PRICKLE4: variants seen among roughly 807,000 people sequenced by gnomAD.
PRICKLE4 encodes prickle planar cell polarity protein 4, also known as prickle-like protein 4.
Under a neutral mutation model 43.5 loss-of-function variants are expected in PRICKLE4, and 40 were observed. The ratio of observed to expected loss-of-function variants is 0.92; its 90% confidence interval spans 0.71 to 1.20. The LOEUF (loss-of-function observed/expected upper bound fraction) is 1.20, where lower values mean the gene tolerates loss of function less well. PRICKLE4 is among the 50% of genes most tolerant of loss of function. The probability of loss-of-function intolerance (pLI) is 0.00; values close to 1 mark genes in which losing one functional copy is unlikely to be tolerated. For missense variants in PRICKLE4, 527 were observed against 491.2 expected (o/e 1.07, Z -0.69); for synonymous variants, 208 against 197.4 (o/e 1.05, Z -0.45).
Position 41,787,226 on chromosome 6 carries a change from C to T in PRICKLE4, c.*97C>T, listed in dbSNP as rs1317880992. On this transcript the variant is annotated 3_prime_UTR_variant, in exon 8 of 8. Coordinates refer to ENST00000458694, the MANE Select transcript of PRICKLE4 (RefSeq NM_013397.6). ...CCCCTAACAATCCTAGACTGAGACG[C>T]AGTCAGGCGCACGCCCGCAAGAGGC... is the stretch of plus-strand genomic sequence containing the variant. 2.8e-6 allele frequency: 4 copies of T among 1,450,026 alleles called. No individual in the cohort carries two copies. In the Admixed American group the frequency reaches 8.0e-5, roughly 29 times the overall value. 89.8% of individuals were successfully genotyped at this position (1,450,026 alleles called of 1,614,324 possible).
intron 3 of PRICKLE4, 148 bp from the exon 4 acceptor site, chr6:41,783,983 G>A: frequency 2.9e-6 from 2 of 678,706 alleles, no homozygotes; most frequent in Non-Finnish European, 2.6e-6. Context: ...TGCACTCAGT[G>A]AGGATCTGCA....
intron 2 of PRICKLE4, among the ~76,000 whole-genome samples, chr6:41,781,775 C>T (rs1219822131): frequency 6.6e-6 from 1 of 152,192 alleles, no homozygotes; most frequent in Non-Finnish European, 1.5e-5. Context: ...TTCCCTTAGC[C>T]TCTGGTATGA....
intron 5 of PRICKLE4, 24 bp from the exon 6 acceptor site, chr6:41,785,312 CA>C (rs1433211941): frequency 1.9e-6 from 3 of 1,607,814 alleles, no homozygotes; most frequent in Non-Finnish European, 2.6e-6. Flanking sequence ...TTACTCCGAC[CA>C]CCTCAGCACC....
In PRICKLE4 at chr6:41,785,529, G is replaced by C. The variant is rs1772628558; in HGVS notation, c.571G>C (p.Ala191Pro). ...HAELLRPRCP[A>P]CDQLIFSWRC... ...AGAGTTGCTGCGCCCGCGCTGCCCG[G>C]CTTGTGACCAGGTACAGCCTGGAGG... is the stretch of plus-strand genomic sequence containing the variant. The change falls in exon 6 of 8, where the codon GCT becomes CCT. Residue 191 changes from alanine (A) to proline (P), a missense_variant. By Grantham distance (27) the Ala-to-Pro change is conservative. Transcript: ENST00000458694. The C allele has an allele frequency of 3.7e-6, 6 of 1,612,648 alleles. No homozygotes were observed. The highest frequency in any genetic ancestry group is 1.3e-5 in the African/African-American group (1 of 74,944).
At position 41,784,306 on chromosome 6, in the gene PRICKLE4, A is replaced by G. The variant is rs559589587; in HGVS notation, c.240+68A>G. The G allele has an allele frequency of 2.8e-5, 36 of 1,284,542 alleles. No individual in the cohort carries two copies. The South Asian group carries it at 4.6e-4, about 17-fold the overall frequency. The allele number at this position is 1,284,542 out of a possible 1,614,324, so 79.6% of individuals were successfully genotyped here. On this transcript the variant is annotated intron_variant, in intron 4 of 7. Coordinates refer to ENST00000458694, the MANE Select transcript of PRICKLE4 (RefSeq NM_013397.6). The stretch of plus-strand genomic sequence containing the variant: ...CCTCATCTCTTTTCTTACTGTGGGA[A>G]GAACCTCAGTCCAGAAGTTAGGGGA...
chr6:41,785,192 G>A, intron 5 of PRICKLE4, 120 bp downstream of exon 5: 1 of 1,546,694 alleles, frequency 6.5e-7, no homozygotes, highest in Non-Finnish European at 8.8e-7. Context: ...CAGAAACCAA[G>A]TTTGCAAGCT....
intron 2 of PRICKLE4, among the ~76,000 whole-genome samples, chr6:41,782,175 G>T (rs558821788): frequency 6.7e-6 from 1 of 149,644 alleles, no homozygotes; most frequent in Non-Finnish European, 1.5e-5. Flanking sequence ...AGGTTGGAGC[G>T]ATTCTCCTGC....
chr6:41,786,569 T>TC, intron 7 of PRICKLE4, 193 bp from the exon 8 acceptor site: 2 of 1,093,828 alleles, frequency 1.8e-6, no homozygotes, highest in Middle Eastern at 2.5e-4. Flanking sequence ...GGCGCCAGAC[T>TC]CCCTCCCAGG....
intron 7 of PRICKLE4, chr6:41,786,561 C>A: frequency 9.4e-7 from 1 of 1,068,932 alleles, no homozygotes; most frequent in Non-Finnish European, 1.4e-6. Context: ...GGGGTTGCGG[C>A]GCCAGACTCC....
rs143437821 is a variant in PRICKLE4 at position 41,785,471 on chromosome 6, T to C, written c.513T>C (p.His171=). The C allele has an allele frequency of 3.1e-6, 5 of 1,614,102 alleles. No individual in the cohort carries two copies. Among genetic ancestry groups the C allele is most frequent in the South Asian group, 1.1e-5 (1 of 91,086 alleles). The change falls in exon 6 of 8, where the codon CAT becomes CAC. Residue 171 remains histidine (H), a synonymous_variant. Coordinates refer to ENST00000458694, the MANE Select transcript of PRICKLE4 (RefSeq NM_013397.6). ...QALINLIYFY[H]DGQLYCGRHH... ...TGATAAACCTCATCTACTTCTACCA[T>C]GATGGACAACTCTACTGCGGCCGTC...
rs372766760 is a variant in PRICKLE4, at chr6:41,783,621, C to T, written c.132+16C>T. ...CCATGCTCAGGTAGTAGAGTCGTGC[C>T]CTTCCTCTGAGACCAACATGTCCTC... On this transcript the variant is annotated intron_variant, in intron 3 of 7. Coordinates refer to ENST00000458694, the MANE Select transcript of PRICKLE4 (RefSeq NM_013397.6). 20 of 1,613,038 alleles carry T rather than the reference C, an allele frequency of 1.2e-5. No individual in the cohort carries two copies. The highest frequency in any genetic ancestry group is 2.5e-6 in the Non-Finnish European group (3 of 1,179,356).
At position 41,786,230 on chromosome 6, in the gene PRICKLE4, G is replaced by T; in HGVS notation, c.685G>T (p.Ala229Ser). ...CGGGCCTCTGGGCGGGGGACGTTAT[G>T]CCCTGCCTGGGGGAAGCCCCTGCTG... Reference protein sequence around the residue: ...CAGPLGGGRYALPGGSPCCPS... With the variant: ...CAGPLGGGRYSLPGGSPCCPS... Residue 229 changes from alanine (A) to serine (S), a missense_variant, in exon 7 of 8, where the codon GCC becomes TCC. Coordinates refer to ENST00000458694, the MANE Select transcript of PRICKLE4 (RefSeq NM_013397.6). The T allele has an allele frequency of 6.2e-7, 1 of 1,604,744 alleles. No individual in the cohort carries two copies. Among genetic ancestry groups the T allele is most frequent in the Non-Finnish European group, 8.5e-7 (1 of 1,173,068 alleles).
Position 41,783,643 on chromosome 6 carries a change from C to T in PRICKLE4, c.132+38C>T, listed in dbSNP as rs1455696829. On this transcript the variant is annotated intron_variant, in intron 3 of 7. Transcript: ENST00000458694. ...TGCCCTTCCTCTGAGACCAACATGT[C>T]CTCTATCCTGTGGAGTGGCCACCCT... 3.1e-6 allele frequency: 5 copies of T among 1,613,550 alleles called. No individual in the cohort carries two copies. In the Admixed American group the frequency reaches 5.0e-5, roughly 16 times the overall value.
intron 4 of PRICKLE4, 100 bp from the exon 5 acceptor site, chr6:41,784,820 CCCTGAGGTTCTACAA>C (rs1772612787): frequency 7.5e-7 from 1 of 1,341,906 alleles, no homozygotes; most frequent in South Asian, 1.3e-5. Context: ...TCTGGCATCT[CCCTGAGGTTCTACAA>C]CCTTTCTCTG....
At chr6:41,783,427 T>A (rs1255979355) in intron 2 of PRICKLE4, 35 bp from the exon 3 acceptor site, 1 of 1,447,816 alleles carries the variant, frequency 6.9e-7, no homozygotes, top group Admixed American at 2.1e-5. Context: ...TGTAACGGCC[T>A]AATACATGGA....
In PRICKLE4 at chr6:41,787,394, G is replaced by C. The variant is rs968857858; in HGVS notation, c.*265G>C. The C allele has an allele frequency of 1.6e-6, 1 of 616,804 alleles. No homozygotes were observed. Among genetic ancestry groups the C allele is most frequent in the Admixed American group, 3.1e-5 (1 of 32,054 alleles). 38.2% of individuals were successfully genotyped at this position (616,804 alleles called of 1,614,324 possible). A position where few individuals can be genotyped will look rare whatever the true frequency, so the allele number is the denominator to read the frequency against. ...CCCTACCCCCACCTCCACAGGCTGG[G>C]ACAGCCCCGTCCCCACCATCCTCCT... is the stretch of plus-strand genomic sequence containing the variant. On this transcript the variant is annotated 3_prime_UTR_variant, in exon 8 of 8. Transcript: ENST00000458694.
Position 41,784,967 on chromosome 6 carries a change from G to A in PRICKLE4, c.273G>A (p.Glu91=). The change falls in exon 5 of 8, where the codon GAG becomes GAA. Residue 91 remains glutamate (E), a synonymous_variant. Coordinates refer to ENST00000458694, the MANE Select transcript of PRICKLE4 (RefSeq NM_013397.6). Reference sequence around the variant, plus strand: ...ACTGCCTGGCCCTTGGGGAGGAGGAGCGGGCCGAGCTGCAGCTCTTCTGTG... The same window carrying A: ...ACTGCCTGGCCCTTGGGGAGGAGGAACGGGCCGAGCTGCAGCTCTTCTGTG... ...ERYCLALGEE[E]RAELQLFCAR... The A allele has an allele frequency of 6.2e-7, 1 of 1,614,068 alleles. No individual in the cohort carries two copies. Among genetic ancestry groups the A allele is most frequent in the Non-Finnish European group, 8.5e-7 (1 of 1,179,994 alleles).
At position 41,785,480 on chromosome 6, in the gene PRICKLE4, A is replaced by G. The variant is rs1240899555; in HGVS notation, c.522A>G (p.Gln174=). The G allele has an allele frequency of 2.5e-6, 4 of 1,613,730 alleles. No homozygotes were observed. The highest frequency in any genetic ancestry group is 3.4e-6 in the Non-Finnish European group (4 of 1,180,004). The change falls in exon 6 of 8, where the codon CAA becomes CAG. Residue 174 remains glutamine (Q), a synonymous_variant. Coordinates refer to ENST00000458694, the MANE Select transcript of PRICKLE4 (RefSeq NM_013397.6). The part of the protein sequence containing the change: ...INLIYFYHDG[Q]LYCGRHHAEL... ...TCATCTACTTCTACCATGATGGACA[A>G]CTCTACTGCGGCCGTCATCATGCAG...
chr6:41,782,386 CTTTTTTTTT>C (rs71545914), intron 2 of PRICKLE4, among the ~76,000 whole-genome samples: 1 of 38,332 alleles, frequency 2.6e-5, no homozygotes, highest in Non-Finnish European at 4.1e-5. Flanking sequence ...GTCACTTCTT[CTTTTTTTTT>C]TTTTTTTTTT....
Sources: gnomAD v4.1 joint callset for allele counts (sites outside exome capture counted in the v4.1 genomes callset) on GRCh38, gnomAD v4.1.1 for gene constraint, MANE v1.5 for transcripts, NCBI Gene and HGNC (gene_info 2026-07-23, HGNC 2026-07-21) for gene names.